Variants in NUAK1 observed in about 807,000 individuals in gnomAD.
NUAK1 encodes the protein NUAK family kinase 1, also known as NUAK family SNF1-like kinase 1.
NUAK1 carries 26 observed loss-of-function variants against 56.9 expected under a neutral mutation model. The observed-to-expected ratio is 0.46, with a 90% CI of 0.33 to 0.63. The LOEUF is 0.63. NUAK1 is among the 30% of genes least tolerant of loss of function. The pLI, the probability that NUAK1 is intolerant of heterozygous loss-of-function variation, is 0.02. For missense variants in NUAK1, 727 were observed against 876.1 expected (o/e 0.83, Z 2.15); for synonymous variants, 337 against 336.0 (o/e 1.00, Z -0.03).
chr12:106,080,013 T>C (rs1354792261), intron 4 of NUAK1, among the ~76,000 whole-genome samples: 1 of 152,230 alleles, frequency 6.6e-6, no homozygotes, highest in Non-Finnish European at 1.5e-5. Context: ...AATGCAGGAA[T>C]GGATGAGTGA....
chr12:106,137,088 C>T (rs1394073440), intron 1 of NUAK1, among the ~76,000 whole-genome samples: 3 of 151,996 alleles, frequency 2.0e-5, no homozygotes, highest in African/African-American at 4.8e-5. Flanking sequence ...CGTTATGGGA[C>T]GAAGTTATAT....
At chr12:106,107,185 G>A (rs979302670) in intron 1 of NUAK1, among the ~76,000 whole-genome samples, 3 of 152,062 alleles carry the variant, frequency 2.0e-5, no homozygotes, top group East Asian at 1.9e-4. Context: ...CTCCCTGCCC[G>A]GCCCCTGTCA....
intron 1 of NUAK1, among the ~76,000 whole-genome samples, chr12:106,130,284 GA>G (rs1432087123): frequency 2.0e-5 from 3 of 152,018 alleles, no homozygotes; most frequent in African/African-American, 7.2e-5. Flanking sequence ...GCCCAGCCTC[GA>G]CACCTCATTT....
chr12:106,072,912 A>C (rs1393459836), intron 4 of NUAK1, 69 bp from the exon 5 acceptor site: 2 of 1,581,634 alleles, frequency 1.3e-6, no homozygotes, highest in Non-Finnish European at 1.7e-6. Context: ...GGATCAGTTC[A>C]CACCACACAG....
intron 4 of NUAK1, among the ~76,000 whole-genome samples, chr12:106,080,101 T>C (rs1193391427): frequency 6.6e-6 from 1 of 152,196 alleles, no homozygotes; most frequent in African/African-American, 2.4e-5. Flanking sequence ...CTCCCATTCA[T>C]ATCATCAAAG....
intron 4 of NUAK1, among the ~76,000 whole-genome samples, chr12:106,081,015 C>T (rs1035983276): frequency 3.3e-5 from 5 of 152,252 alleles, no homozygotes; most frequent in Admixed American, 6.5e-5. Flanking sequence ...GAAGACAAAT[C>T]AAGACCAGCT....
chr12:106,084,362 T>C (rs2032551181), intron 3 of NUAK1, among the ~76,000 whole-genome samples: 1 of 152,264 alleles, frequency 6.6e-6, no homozygotes, highest in Admixed American at 6.5e-5. Flanking sequence ...CTCATCTGTC[T>C]GTCTGTGTGC....
intron 1 of NUAK1, among the ~76,000 whole-genome samples, chr12:106,132,090 A>C (rs1253410575): frequency 6.6e-6 from 1 of 152,246 alleles, no homozygotes; most frequent in Non-Finnish European, 1.5e-5. Context: ...TGAGGACAAG[A>C]AGCCACGGCC....
intron 4 of NUAK1, 77 bp downstream of exon 4, chr12:106,083,787 G>T (rs549642705): frequency 7.8e-7 from 1 of 1,283,394 alleles, no homozygotes; most frequent in Non-Finnish European, 1.1e-6. Context: ...TCCAGGCTGC[G>T]GCTTGGAGCA....
intron 1 of NUAK1, among the ~76,000 whole-genome samples, chr12:106,137,352 C>T (rs1352367157): frequency 6.6e-6 from 1 of 152,208 alleles, no homozygotes; most frequent in African/African-American, 2.4e-5. Context: ...CAAAAGTGCA[C>T]ACAAGGAGTC....
At chr12:106,134,475 G>T (rs2033109235) in intron 1 of NUAK1, among the ~76,000 whole-genome samples, 1 of 152,212 alleles carries the variant, frequency 6.6e-6, no homozygotes, top group African/African-American at 2.4e-5. Flanking sequence ...CAGACTGTGG[G>T]GGAGGGGCAC....
intron 1 of NUAK1, among the ~76,000 whole-genome samples, chr12:106,119,027 G>C (rs2032947888): frequency 6.6e-6 from 1 of 152,178 alleles, no homozygotes; most frequent in Non-Finnish European, 1.5e-5. Context: ...ATTAATCTAA[G>C]ACTGATGTTC....
intron 4 of NUAK1, among the ~76,000 whole-genome samples, chr12:106,077,089 T>A (rs748240978): frequency 2.0e-5 from 3 of 152,238 alleles, no homozygotes; most frequent in Non-Finnish European, 4.4e-5. Context: ...GTCACCTTGC[T>A]GACATTAACT....
At chr12:106,125,832 G>A (rs1046626553) in intron 1 of NUAK1, among the ~76,000 whole-genome samples, 1 of 152,164 alleles carries the variant, frequency 6.6e-6, no homozygotes, top group Non-Finnish European at 1.5e-5. Flanking sequence ...AGAGCAGCAA[G>A]CACATCACTG....
Position 106,134,371 on chromosome 12 carries a change from C to T in NUAK1, c.240+4043G>A, listed in dbSNP as rs546163221. Reference sequence around the variant, plus strand: ...AGGAGGCTATGAATAGCTTTGGGTGCTTAAAACACCCATTTTTGGTCAAAA... The same window carrying T: ...AGGAGGCTATGAATAGCTTTGGGTGTTTAAAACACCCATTTTTGGTCAAAA... On this transcript the variant is annotated intron_variant, in intron 1 of 6. Transcript: ENST00000261402. Among the ~76,000 whole-genome samples the T allele has an allele frequency of 1.7e-4, 26 of 152,334 alleles. 1 individual carries two copies. In the East Asian group the frequency reaches 4.8e-3, roughly 28 times the overall value.
intron 1 of NUAK1, among the ~76,000 whole-genome samples, chr12:106,137,814 A>T (rs1370635384): frequency 6.6e-6 from 1 of 152,236 alleles, no homozygotes; most frequent in Non-Finnish European, 1.5e-5. Context: ...AAACTGTTAG[A>T]ATCCTCAGGC....
At chr12:106,076,996 T>C (rs2032470662) in intron 4 of NUAK1, among the ~76,000 whole-genome samples, 1 of 152,230 alleles carries the variant, frequency 6.6e-6, no homozygotes, top group South Asian at 2.1e-4. Context: ...CTGGTAAGTT[T>C]GATGTTACAT....
At chr12:106,088,988 A>G (rs2032605315) in intron 2 of NUAK1, among the ~76,000 whole-genome samples, 1 of 152,124 alleles carries the variant, frequency 6.6e-6, no homozygotes, top group Non-Finnish European at 1.5e-5. Flanking sequence ...TCCAGATAAA[A>G]TTGGCTGCTC....
At chr12:106,086,343 AAAAGGT>A (rs1181709391) in intron 3 of NUAK1, among the ~76,000 whole-genome samples, 3 of 152,212 alleles carry the variant, frequency 2.0e-5, no homozygotes, top group Non-Finnish European at 4.4e-5. Flanking sequence ...CTGGAACAGA[AAAAGGT>A]CATTGGTGTC....
Sources: allele counts gnomAD v4.1 joint callset (sites outside exome capture counted in the v4.1 genomes callset), GRCh38; gene constraint gnomAD v4.1.1; transcripts MANE v1.5; gene names NCBI Gene and HGNC (gene_info 2026-07-23, HGNC 2026-07-21).